The following SHISA6 variants were observed in gnomAD, a reference collection of about 807,000 sequenced individuals.
SHISA6 encodes the protein shisa family member 6, also known as protein shisa-6.
Under a neutral mutation model 47.9 loss-of-function variants are expected in SHISA6, and 22 were observed. That is an observed-to-expected ratio of 0.46 (90% CI 0.33 to 0.66). SHISA6 has a LOEUF of 0.66. Ranked by LOEUF, SHISA6 falls within the 30% of genes least tolerant of loss-of-function variation. The probability of loss-of-function intolerance (pLI) is 0.02; values close to 1 mark genes in which losing one functional copy is unlikely to be tolerated. For synonymous variants in SHISA6, 388 were observed against 337.8 expected (o/e 1.15, Z -1.63); for missense variants, 680 against 764.6 (o/e 0.89, Z 1.30).
At chr17:11,447,113 A>G (rs1160071141) in intron 3 of SHISA6, among the ~76,000 whole-genome samples, 1 of 152,210 alleles carries the variant, frequency 6.6e-6, no homozygotes, top group Non-Finnish European at 1.5e-5. Context: ...CTCAATAACA[A>G]TGAGCTATCT....
At chr17:11,420,254 C>T (rs1489407568) in intron 3 of SHISA6, among the ~76,000 whole-genome samples, 1 of 152,166 alleles carries the variant, frequency 6.6e-6, no homozygotes. Context: ...GGCTTAAGCC[C>T]TGCCCCCGCG....
intron 3 of SHISA6, among the ~76,000 whole-genome samples, chr17:11,403,750 A>T (rs7214336): frequency 6.6e-6 from 1 of 152,034 alleles, no homozygotes; most frequent in Admixed American, 6.5e-5. Flanking sequence ...ACCTAATTAC[A>T]TAGGATACTT....
chr17:11,466,999 G>A (rs1915825458), intron 3 of SHISA6, among the ~76,000 whole-genome samples: 1 of 152,130 alleles, frequency 6.6e-6, no homozygotes, highest in Non-Finnish European at 1.5e-5. Context: ...GTGGCTCTTT[G>A]TCACCCCTCT....
chr17:11,259,908 CTGTTCCAATATG>C (rs1908161524), intron 1 of SHISA6, among the ~76,000 whole-genome samples: 1 of 152,198 alleles, frequency 6.6e-6, no homozygotes, highest in South Asian at 2.1e-4. Flanking sequence ...AGTTAAATCC[CTGTTCCAATATG>C]TGTTAGTACT....
chr17:11,378,407 G>A (rs547723663), intron 2 of SHISA6, among the ~76,000 whole-genome samples: 62 of 152,158 alleles, frequency 4.1e-4, no homozygotes, highest in Non-Finnish European at 3.4e-4. Flanking sequence ...TTAATGAACC[G>A]TTTCTGTCCA....
At chr17:11,321,307 A>G (rs1910712393) in intron 2 of SHISA6, among the ~76,000 whole-genome samples, 1 of 152,226 alleles carries the variant, frequency 6.6e-6, no homozygotes, top group Non-Finnish European at 1.5e-5. Flanking sequence ...ACTAGATTAT[A>G]TGGCCACTCT....
intron 3 of SHISA6, among the ~76,000 whole-genome samples, chr17:11,545,990 G>A (rs769695913): frequency 1.3e-5 from 2 of 152,190 alleles, no homozygotes; most frequent in Non-Finnish European, 2.9e-5. Flanking sequence ...CAGTCACACA[G>A]GCCTCCAGTT....
chr17:11,516,926 G>A (rs1280348693), intron 3 of SHISA6, among the ~76,000 whole-genome samples: 1 of 152,144 alleles, frequency 6.6e-6, no homozygotes, highest in Admixed American at 6.5e-5. Context: ...AGCACCTTCT[G>A]GTACAAGTAT....
intron 3 of SHISA6, among the ~76,000 whole-genome samples, chr17:11,546,857 G>A (rs1348974824): frequency 6.6e-6 from 1 of 152,000 alleles, no homozygotes; most frequent in Non-Finnish European, 1.5e-5. Context: ...GGAGGCAGAG[G>A]TTGCAGTGAG....
At chr17:11,277,280 T>TCTCTCTCTCA (rs1386997909) in intron 2 of SHISA6, among the ~76,000 whole-genome samples, 82 of 53,912 alleles carry the variant, frequency 1.5e-3, no homozygotes, top group Middle Eastern at 0.015. Flanking sequence ...TCTCTCTCTC[T>TCTCTCTCTCA]CACACACACA....
At chr17:11,316,754 A>G (rs1910539808) in intron 2 of SHISA6, among the ~76,000 whole-genome samples, 2 of 152,160 alleles carry the variant, frequency 1.3e-5, no homozygotes, top group East Asian at 1.9e-4. Context: ...AGTTTCGTTC[A>G]TTCTTATTTT....
At chr17:11,341,517 T>G (rs56857000) in intron 2 of SHISA6, among the ~76,000 whole-genome samples, 12,776 of 151,896 alleles carry the variant, frequency 0.084, 836 homozygotes, top group East Asian at 0.23. Context: ...GTATTTTTAT[T>G]AGACACGGGG....
chr17:11,344,880 C>T (rs1567579572), intron 2 of SHISA6, among the ~76,000 whole-genome samples: 1 of 151,934 alleles, frequency 6.6e-6, no homozygotes, highest in Non-Finnish European at 1.5e-5. Context: ...AGAAATTATT[C>T]CTCCTATCTA....
At chr17:11,527,006 C>A (rs918812434) in intron 3 of SHISA6, among the ~76,000 whole-genome samples, 8 of 149,362 alleles carry the variant, frequency 5.4e-5, no homozygotes, top group Middle Eastern at 3.2e-3. Flanking sequence ...ATAAGCACTC[C>A]AGATGAGATC....
intron 2 of SHISA6, among the ~76,000 whole-genome samples, chr17:11,339,618 C>G (rs1048051020): frequency 6.6e-6 from 1 of 152,144 alleles, no homozygotes. Context: ...AAAGCTGCCT[C>G]GACATGCCAC....
intron 3 of SHISA6, among the ~76,000 whole-genome samples, chr17:11,431,770 A>G (rs1248303113): frequency 6.6e-6 from 1 of 152,214 alleles, no homozygotes; most frequent in Non-Finnish European, 1.5e-5. Context: ...TGAAAGGTAG[A>G]CTTAGGTATT....
chr17:11,491,859 C>T (rs550937956), intron 3 of SHISA6, among the ~76,000 whole-genome samples: 2 of 150,704 alleles, frequency 1.3e-5, no homozygotes, highest in East Asian at 2.0e-4. Flanking sequence ...ACAACCTCCA[C>T]CTCCCGAGTT....
At chr17:11,280,125 G>A (rs1294749308) in intron 2 of SHISA6, among the ~76,000 whole-genome samples, 3 of 152,122 alleles carry the variant, frequency 2.0e-5, no homozygotes, top group African/African-American at 4.8e-5. Flanking sequence ...CCTTGGTGGC[G>A]TTTCTGTTTA....
At chr17:11,424,067 C>G (rs1298100584) in intron 3 of SHISA6, among the ~76,000 whole-genome samples, 1 of 150,202 alleles carries the variant, frequency 6.7e-6, no homozygotes, top group African/African-American at 2.5e-5. Flanking sequence ...GTGTAGATCC[C>G]ACATATATCT....
Sources: allele counts gnomAD v4.1 joint callset (sites outside exome capture counted in the v4.1 genomes callset), GRCh38; gene constraint gnomAD v4.1.1; transcripts MANE v1.5; gene names NCBI Gene and HGNC (gene_info 2026-07-23, HGNC 2026-07-21).